The following FRK variants were observed in gnomAD, a reference collection of about 807,000 sequenced individuals.
FRK encodes tyrosine-protein kinase FRK.
FRK carries 51 observed loss-of-function variants against 56.4 expected under a neutral mutation model. That is an observed-to-expected ratio of 0.90 (90% CI 0.72 to 1.14). The LOEUF is 1.14. FRK is among the 50% of genes most tolerant of loss of function. The pLI is 0.00. For missense variants in FRK, 570 were observed against 601.4 expected, an observed-to-expected ratio of 0.95 and a Z score of 0.55; for synonymous variants, 245 against 217.9, an observed-to-expected ratio of 1.12 and a Z score of -1.10.
chr6:115,947,944 G>A (rs554626340), intron 5 of FRK, among the ~76,000 whole-genome samples: 1 of 152,240 alleles, frequency 6.6e-6, no homozygotes, highest in African/African-American at 2.4e-5. Context: ...CTTCTAAAAT[G>A]GCTCCCAGTT....
At position 115,941,498 on chromosome 6, in the gene FRK, G is replaced by A. The variant is rs1209225030; in HGVS notation, c.*916C>T. On this transcript the variant is annotated 3_prime_UTR_variant, in exon 8 of 8. Coordinates refer to ENST00000606080, the MANE Select transcript of FRK (RefSeq NM_002031.3). Reference sequence around the variant, plus strand: ...CCCAGAACTTAAACTATAATAAAAAGTAAAAAATAAAAAATAAATAAAACT... The same window carrying A: ...CCCAGAACTTAAACTATAATAAAAAATAAAAAATAAAAAATAAATAAAACT... 6.6e-6 allele frequency: 1 copy of A among 151,868 alleles called. No homozygotes were observed. The highest frequency in any genetic ancestry group is 1.5e-5 in the Non-Finnish European group (1 of 67,932). 9.4% of individuals were successfully genotyped at this position (151,868 alleles called of 1,614,324 possible). A position where few individuals can be genotyped will look rare whatever the true frequency, so the allele number is the denominator to read the frequency against.
rs572389606 is a variant in FRK at position 115,953,039 on chromosome 6, T to A, written c.958+3413A>T. On this transcript the variant is annotated intron_variant, in intron 5 of 7. Transcript: ENST00000606080. ...TATACATAAGTAACTAACCTGCACA[T>A]TGTGCACATGTACCCTAAAACTTAA... is the stretch of plus-strand genomic sequence containing the variant. Among the ~76,000 whole-genome samples, 25 of 151,576 alleles carry A rather than the reference T, an allele frequency of 1.6e-4. 1 individual carries two copies. In the South Asian group the frequency reaches 3.1e-3, roughly 19 times the overall value.
chr6:115,972,621 T>A (rs991296141), intron 2 of FRK, among the ~76,000 whole-genome samples: 1 of 152,212 alleles, frequency 6.6e-6, no homozygotes, highest in African/African-American at 2.4e-5. Flanking sequence ...AGAACAGCCA[T>A]ACCTATCTTT....
At chr6:115,994,320 A>ACCC (rs1774743575) in intron 2 of FRK, among the ~76,000 whole-genome samples, 1 of 50,388 alleles carries the variant, frequency 2.0e-5, no homozygotes, top group Admixed American at 2.9e-4. Context: ...AGAATCTCAC[A>ACCC]ACCTCCCCCC....
In FRK at chr6:115,934,000, T is replaced by A. The variant is rs1772002691; in HGVS notation, c.*8414A>T. 6.6e-6 allele frequency: 1 copy of A among 150,628 alleles called. No homozygotes were observed. The highest frequency in any genetic ancestry group is 1.5e-5 in the Non-Finnish European group (1 of 67,584). The allele number at this position is 150,628 out of a possible 1,614,324, so 9.3% of individuals were successfully genotyped here. ...TATATATGCACACATCTGCCTGGAA[T>A]ACACACACACACACACCATATAAAC... On this transcript the variant is annotated 3_prime_UTR_variant, in exon 8 of 8. Transcript: ENST00000606080.
At chr6:116,065,349 T>C (rs754092753), upstream of FRK, among the ~76,000 whole-genome samples, 9 of 151,922 alleles carry the variant, frequency 5.9e-5, no homozygotes, top group Non-Finnish European at 7.4e-5. Context: ...CCCCCACACA[T>C]AGAAAAGAGG....
At chr6:115,960,057 AG>A (rs1773268141) in intron 4 of FRK, among the ~76,000 whole-genome samples, 1 of 152,192 alleles carries the variant, frequency 6.6e-6, no homozygotes, top group African/African-American at 2.4e-5. Context: ...ATGGCCGAAT[AG>A]GAACAGCTCC....
At chr6:116,091,279 T>G in the FRK span, among the ~76,000 whole-genome samples, 1 of 152,180 alleles carries the variant, frequency 6.6e-6, no homozygotes, top group Non-Finnish European at 1.5e-5. Flanking sequence ...GGATTGTAAA[T>G]GCACTATCAG....
chr6:115,984,239 T>G (rs894148265), intron 2 of FRK, among the ~76,000 whole-genome samples: 2 of 152,130 alleles, frequency 1.3e-5, no homozygotes, highest in Non-Finnish European at 2.9e-5. Context: ...GCCCTTTGAT[T>G]GTAGAGACCA....
the FRK span, among the ~76,000 whole-genome samples, chr6:116,088,589 G>C: frequency 2.6e-5 from 4 of 152,162 alleles, no homozygotes. Context: ...GTCATTTTCA[G>C]CTAAAATATT....
At chr6:116,039,327 T>C in intron 1 of FRK, 1 of 1,416,108 alleles carries the variant, frequency 7.1e-7, no homozygotes, top group Non-Finnish European at 1.0e-6. Flanking sequence ...GAGAATGGTG[T>C]CCAACATCTC....
At chr6:115,949,567 CAGAT>C (rs1772627500) in intron 5 of FRK, among the ~76,000 whole-genome samples, 1 of 152,100 alleles carries the variant, frequency 6.6e-6, no homozygotes, top group Non-Finnish European at 1.5e-5. Context: ...TCCATGCTCA[CAGAT>C]AGAAAGAATC....
In FRK at chr6:115,998,118, A is replaced by G. The variant is rs531504446; in HGVS notation, c.466+5759T>C. 4.7e-4 allele frequency among the ~76,000 whole-genome samples: 72 copies of G among 152,328 alleles called. 1 individual carries two copies. The highest frequency in any genetic ancestry group is 1.7e-3 in the South Asian group (8 of 4,826). ...GGATGCCCTCTGCTAGAGCAGAGAC[A>G]GTGCAGCCAGCTGAGCTTGGGATCT... On this transcript the variant is annotated intron_variant, in intron 2 of 7. Coordinates refer to ENST00000606080, the MANE Select transcript of FRK (RefSeq NM_002031.3).
intron 1 of FRK, among the ~76,000 whole-genome samples, chr6:116,045,374 A>G (rs1238622507): frequency 6.6e-6 from 1 of 152,224 alleles, no homozygotes; most frequent in Non-Finnish European, 1.5e-5. Context: ...TGGTACTGCT[A>G]CCAAAACAGA....
At chr6:116,091,786 A>G in the FRK span, among the ~76,000 whole-genome samples, 1 of 151,990 alleles carries the variant, frequency 6.6e-6, no homozygotes, top group South Asian at 2.1e-4. Context: ...TGGAGTTGGG[A>G]GCATTGGTTT....
upstream of FRK, among the ~76,000 whole-genome samples, chr6:116,064,655 T>G (rs1317981907): frequency 6.6e-6 from 1 of 152,138 alleles, no homozygotes; most frequent in East Asian, 1.9e-4. Flanking sequence ...GAATGTTAGA[T>G]TCCTTTGCCA....
At chr6:116,099,332 CT>C in the FRK span, among the ~76,000 whole-genome samples, 1 of 152,198 alleles carries the variant, frequency 6.6e-6, no homozygotes, top group Admixed American at 6.5e-5. Flanking sequence ...CCTAAAGCAC[CT>C]ACTCCCACAT....
At chr6:116,033,146 A>G (rs1268383871) in intron 1 of FRK, among the ~76,000 whole-genome samples, 2 of 145,574 alleles carry the variant, frequency 1.4e-5, no homozygotes, top group Non-Finnish European at 1.5e-5. Flanking sequence ...ACAGGCAGCC[A>G]GTTATTAATA....
intron 1 of FRK, among the ~76,000 whole-genome samples, chr6:116,047,696 G>T (rs1394301967): frequency 2.0e-5 from 3 of 152,302 alleles, no homozygotes; most frequent in East Asian, 3.9e-4. Context: ...AGCTGGGCTT[G>T]CTCAGTCAGC....
Sources: gnomAD v4.1 joint callset for allele counts (sites outside exome capture counted in the v4.1 genomes callset) on GRCh38, gnomAD v4.1.1 for gene constraint, MANE v1.5 for transcripts, NCBI Gene and HGNC (gene_info 2026-07-23, HGNC 2026-07-21) for gene names.